The following EYS variants were observed in gnomAD, a reference collection of about 807,000 sequenced individuals.
The protein encoded by EYS is EGF-like photoreceptor maintenance factor.
In EYS, 250 loss-of-function variants were observed where a neutral mutation model predicts 282.1. That is an observed-to-expected ratio of 0.89 (90% confidence interval 0.80 to 0.98). The LOEUF is 0.98. Among genes scored for constraint, EYS ranks in the 50% least tolerant of loss-of-function variants. The probability of loss-of-function intolerance (pLI) is 0.00; values close to 1 mark genes in which losing one functional copy is unlikely to be tolerated. For synonymous variants in EYS, 1,355 were observed against 1,282.9 expected (o/e 1.06, Z -1.20); for missense variants, 4,016 against 3,709.0 (o/e 1.08, Z -2.15).
At chr6:64,741,003 G>A (rs1289018876) in intron 22 of EYS, among the ~76,000 whole-genome samples, 3 of 152,016 alleles carry the variant, frequency 2.0e-5, no homozygotes, top group South Asian at 2.1e-4. Context: ...GTGAGCCACC[G>A]CGCCTGGCCA....
At chr6:65,573,832 C>G (rs1764563886) in intron 2 of EYS, among the ~76,000 whole-genome samples, 1 of 152,162 alleles carries the variant, frequency 6.6e-6, no homozygotes, top group Non-Finnish European at 1.5e-5. Context: ...CTCATCTTCT[C>G]AACTATTTCA....
At chr6:64,619,035 T>C (rs552573695) in intron 23 of EYS, among the ~76,000 whole-genome samples, 68 of 152,282 alleles carry the variant, frequency 4.5e-4, no homozygotes, top group African/African-American at 1.4e-3. Flanking sequence ...AATAAAACTC[T>C]AACAAATACT....
intron 24 of EYS, among the ~76,000 whole-genome samples, chr6:64,599,628 G>A (rs763382830): frequency 6.6e-6 from 1 of 152,114 alleles, no homozygotes; most frequent in Non-Finnish European, 1.5e-5. Context: ...AGTCTCTCTT[G>A]AAGCAGAATT....
intron 26 of EYS, among the ~76,000 whole-genome samples, chr6:64,488,070 T>A (rs578104276): frequency 1.3e-5 from 2 of 151,254 alleles, no homozygotes; most frequent in South Asian, 4.1e-4. Context: ...TAGTTCATAC[T>A]TGATTAAATT....
At chr6:64,540,042 A>G (rs1300069723) in intron 26 of EYS, among the ~76,000 whole-genome samples, 2 of 152,208 alleles carry the variant, frequency 1.3e-5, no homozygotes, top group African/African-American at 4.8e-5. Context: ...GCTGCTACAT[A>G]TCAAAGAGCC....
At chr6:63,724,292 A>G (rs1768528712) in intron 42 of EYS, among the ~76,000 whole-genome samples, 1 of 152,176 alleles carries the variant, frequency 6.6e-6, no homozygotes, top group African/African-American at 2.4e-5. Context: ...ACCGTGCTTT[A>G]TTATAGATAA....
chr6:64,226,360 TAAAAC>T (rs900518206), intron 31 of EYS, among the ~76,000 whole-genome samples: 37 of 152,270 alleles, frequency 2.4e-4, no homozygotes, highest in African/African-American at 8.4e-4. Flanking sequence ...GAATATCAAT[TAAAAC>T]AAAATATTTC....
intron 31 of EYS, among the ~76,000 whole-genome samples, chr6:64,169,251 A>G (rs781136290): frequency 9.9e-4 from 150 of 152,208 alleles, no homozygotes; most frequent in African/African-American, 2.5e-3. Flanking sequence ...AAGTTTCCCA[A>G]TGATTCAGTG....
chr6:64,191,597 T>C (rs987252518), intron 31 of EYS, among the ~76,000 whole-genome samples: 1 of 152,106 alleles, frequency 6.6e-6, no homozygotes, highest in African/African-American at 2.4e-5. Flanking sequence ...TTTGTTCTTG[T>C]GATAGTTTAC....
intron 30 of EYS, among the ~76,000 whole-genome samples, chr6:64,254,553 C>T (rs1029859085): frequency 1.3e-5 from 2 of 151,986 alleles, no homozygotes; most frequent in African/African-American, 2.4e-5. Flanking sequence ...TGTCAGTCCC[C>T]GTCTCTGAGG....
At chr6:64,938,435 A>G (rs1768982451) in intron 15 of EYS, among the ~76,000 whole-genome samples, 1 of 151,538 alleles carries the variant, frequency 6.6e-6, no homozygotes, top group African/African-American at 2.4e-5. Flanking sequence ...TAATCTCTTA[A>G]TGTGCCTAAC....
intron 12 of EYS, among the ~76,000 whole-genome samples, chr6:65,116,072 T>G (rs1775366660): frequency 6.6e-6 from 1 of 152,064 alleles, no homozygotes; most frequent in Non-Finnish European, 1.5e-5. Context: ...AATTAGATAG[T>G]AGACAACACT....
At chr6:65,293,262 TA>T (rs57370381) in intron 12 of EYS, among the ~76,000 whole-genome samples, 228 of 146,428 alleles carry the variant, frequency 1.6e-3, no homozygotes, top group Middle Eastern at 3.5e-3. Context: ...GAATATTAAC[TA>T]AAAAAAAAAA....
At chr6:63,727,706 C>CA (rs1169878020) in intron 41 of EYS, among the ~76,000 whole-genome samples, 895 of 9,516 alleles carry the variant, frequency 0.094, 342 homozygotes, top group Non-Finnish European at 0.13. Flanking sequence ...CACCATCTCT[C>CA]AAAAAAAAAA....
chr6:64,823,091 T>C (rs1371907102), intron 19 of EYS, among the ~76,000 whole-genome samples: 1 of 151,926 alleles, frequency 6.6e-6, no homozygotes, highest in Non-Finnish European at 1.5e-5. Flanking sequence ...GTTGAGAATA[T>C]TAGTGAAGTA....
intron 5 of EYS, among the ~76,000 whole-genome samples, chr6:65,416,372 AGTT>A (rs1767233415): frequency 6.6e-6 from 1 of 151,956 alleles, no homozygotes; most frequent in African/African-American, 2.4e-5. Context: ...TCCAAGTGTA[AGTT>A]ATTATCATTT....
At chr6:64,419,997 C>A (rs113703283) in intron 28 of EYS, among the ~76,000 whole-genome samples, 69 of 152,338 alleles carry the variant, frequency 4.5e-4, no homozygotes, top group African/African-American at 1.5e-3. Flanking sequence ...AGAGGTTCTC[C>A]ATGAGGGCTC....
In EYS at chr6:65,703,141, G is replaced by C. The variant is rs115692579; in HGVS notation, c.-448+3994C>G. 5.0e-3 allele frequency among the ~76,000 whole-genome samples: 756 copies of C among 152,146 alleles called. 6 individuals carry two copies. The highest frequency in any genetic ancestry group is 0.017 in the African/African-American group (713 of 41,506). On this transcript the variant is annotated intron_variant, in intron 1 of 42. Coordinates refer to ENST00000503581, the MANE Select transcript of EYS (RefSeq NM_001142800.2). ...ATGCAAATATCAGACATGCCAACCT[G>C]CACAATCCCATGAACCAATTCCTTA...
intron 5 of EYS, among the ~76,000 whole-genome samples, chr6:65,454,986 A>G (rs1713265164): frequency 6.6e-6 from 1 of 151,912 alleles, no homozygotes; most frequent in Non-Finnish European, 1.5e-5. Flanking sequence ...TTGGCTATTT[A>G]GCGTCTTTTT....
Sources: allele counts gnomAD v4.1 joint callset (sites outside exome capture counted in the v4.1 genomes callset), GRCh38; gene constraint gnomAD v4.1.1; transcripts MANE v1.5; gene names NCBI Gene and HGNC (gene_info 2026-07-23, HGNC 2026-07-21).